Variants in MLPH observed in about 807,000 individuals in gnomAD.
The protein encoded by MLPH is melanophilin.
Under a neutral mutation model 72.1 loss-of-function variants are expected in MLPH, and 51 were observed. The ratio of observed to expected loss-of-function variants is 0.71; its 90% CI spans 0.56 to 0.89. The LOEUF (loss-of-function observed/expected upper bound fraction) is 0.89, where lower values mean the gene tolerates loss of function less well. Among genes scored for constraint, MLPH ranks in the 40% least tolerant of loss-of-function variants. The pLI, the probability that MLPH is intolerant of heterozygous loss-of-function variation, is 0.00. For missense variants in MLPH, 743 were observed against 759.9 expected (o/e 0.98, Z 0.26); for synonymous variants, 301 against 310.1 (o/e 0.97, Z 0.31).
rs2080109895 is a variant in MLPH at position 237,518,798 on chromosome 2, C to T, written c.555+150C>T. On this transcript the variant is annotated intron_variant, in intron 5 of 15. Transcript: ENST00000264605. The stretch of plus-strand genomic sequence containing the variant: ...AGCACCAAGAATCTGCTGCCCTTTC[C>T]CAGGCCTCAGTAGTCTCTGAGATCA... 7.1e-6 allele frequency: 5 copies of T among 707,610 alleles called. No individual in the cohort carries two copies. The Admixed American group carries it at 1.0e-4, about 14-fold the overall frequency. The allele number at this position is 707,610 out of a possible 1,614,324, so 43.8% of individuals were successfully genotyped here. A position where few individuals can be genotyped will look rare whatever the true frequency, so the allele number is the denominator to read the frequency against.
Position 237,512,919 on chromosome 2 carries a change from AG to A in MLPH, c.445+1822del, listed in dbSNP as rs77113196. Among the ~76,000 whole-genome samples, 4,297 of 152,134 alleles carry A rather than the reference AG, an allele frequency of 0.028. 84 individuals carry two copies. Among genetic ancestry groups the A allele is most frequent in the South Asian group, 0.076 (367 of 4,802 alleles). The stretch of plus-strand genomic sequence containing the variant: ...GCTGACTTCAAAATCATCACCACCA[AG>A]GGGCCAGGAGGTGGCGCTGTGGGGC... On this transcript the variant is annotated intron_variant, in intron 4 of 15. Coordinates refer to ENST00000264605, the MANE Select transcript of MLPH (RefSeq NM_024101.7). This position sits in a 1 kb window ranked among gnomAD's most constrained non-coding sequence, Gnocchi z 5.5.
chr2:237,492,462 T>TAAAA (rs397961915), intron 1 of MLPH, among the ~76,000 whole-genome samples: 1 of 132,246 alleles, frequency 7.6e-6, no homozygotes, highest in Non-Finnish European at 1.6e-5. Context: ...AACTCGTCTC[T>TAAAA]AAAAAAAAAA....
chr2:237,497,050 T>C (rs950029978), intron 2 of MLPH, among the ~76,000 whole-genome samples: 3 of 152,046 alleles, frequency 2.0e-5, no homozygotes, highest in Non-Finnish European at 2.9e-5. Flanking sequence ...GGGTTGGAGA[T>C]GGTTTCAGGA....
chr2:237,545,411 T>G, intron 12 of MLPH: 2 of 1,268,626 alleles, frequency 1.6e-6, no homozygotes, highest in Non-Finnish European at 2.1e-6. Flanking sequence ...TGTGCCTTTG[T>G]TGGGGTTCAT....
chr2:237,502,679 CAAATAT>C (rs2079677003), intron 2 of MLPH, among the ~76,000 whole-genome samples: 1 of 152,154 alleles, frequency 6.6e-6, no homozygotes, highest in African/African-American at 2.4e-5. Flanking sequence ...GCCTACAAAT[CAAATAT>C]TAGGACTGCC....
intron 2 of MLPH, among the ~76,000 whole-genome samples, chr2:237,494,604 C>T (rs567400778): frequency 6.6e-6 from 1 of 152,218 alleles, no homozygotes; most frequent in South Asian, 2.1e-4. Flanking sequence ...GATGGGGGGT[C>T]TCCAGGGTGA....
At chr2:237,539,826 A>G (rs1031360135) in intron 9 of MLPH, among the ~76,000 whole-genome samples, 1 of 152,224 alleles carries the variant, frequency 6.6e-6, no homozygotes, top group African/African-American at 2.4e-5. Flanking sequence ...GTGAACTCGC[A>G]GTCCAGTGGC....
At chr2:237,516,182 C>T (rs2080013384) in intron 4 of MLPH, among the ~76,000 whole-genome samples, 1 of 152,242 alleles carries the variant, frequency 6.6e-6, no homozygotes, top group African/African-American at 2.4e-5. Context: ...TCCACAGTGC[C>T]AGCTGTGCCC....
intron 2 of MLPH, among the ~76,000 whole-genome samples, chr2:237,506,490 G>A (rs548037253): frequency 2.6e-5 from 4 of 152,144 alleles, no homozygotes; most frequent in Non-Finnish European, 4.4e-5. Context: ...AGCAATTCCT[G>A]TCCCTTTTAA....
intron 1 of MLPH, among the ~76,000 whole-genome samples, chr2:237,490,121 G>C (rs1006962973): frequency 1.3e-5 from 2 of 152,190 alleles, no homozygotes; most frequent in Non-Finnish European, 1.5e-5. Flanking sequence ...GGAGCAGATA[G>C]AGCAGGGTGG....
At chr2:237,498,290 G>T (rs74001362) in intron 2 of MLPH, among the ~76,000 whole-genome samples, 2,782 of 152,322 alleles carry the variant, frequency 0.018, 80 homozygotes, top group African/African-American at 0.063. Context: ...ATTAGCAGAT[G>T]TGTGTCAGAT....
At chr2:237,521,161 T>C (rs1324400177) in intron 6 of MLPH, among the ~76,000 whole-genome samples, 1 of 152,190 alleles carries the variant, frequency 6.6e-6, no homozygotes, top group East Asian at 1.9e-4. Context: ...TTTTTGTTAA[T>C]AGTAACCAGA....
In MLPH at chr2:237,508,571, CA is replaced by C. The variant is rs2079824902; in HGVS notation, c.111-1998del. ...GGCAAATGATGTCTCAGCATTATTA[CA>C]AAAATAGCTTTGGCCTTGTGACTCA... On this transcript the variant is annotated intron_variant, in intron 2 of 15. Coordinates refer to ENST00000264605, the MANE Select transcript of MLPH (RefSeq NM_024101.7). Among the ~76,000 whole-genome samples the C allele has an allele frequency of 1.3e-5, 2 of 152,180 alleles. 1 individual carries two copies. The highest frequency in any genetic ancestry group is 4.8e-5 in the African/African-American group (2 of 41,450).
chr2:237,552,512 C>A (rs2081059883), intron 15 of MLPH, 75 bp downstream of exon 15: 12 of 1,254,772 alleles, frequency 9.6e-6, no homozygotes, highest in Admixed American at 5.5e-5. Flanking sequence ...AAAATTAAGT[C>A]TTCAGAGCAA....
chr2:237,501,679 AAAAAAAAAAATAC>A (rs1435510401), intron 2 of MLPH, among the ~76,000 whole-genome samples: 2 of 132,004 alleles, frequency 1.5e-5, no homozygotes, highest in Non-Finnish European at 1.5e-5. Context: ...AAAAAAAAAA[AAAAAAAAAAATAC>A]AAAAAAATTA....
intron 1 of MLPH, among the ~76,000 whole-genome samples, chr2:237,492,479 A>T (rs1241927596): frequency 5.3e-5 from 8 of 151,840 alleles, no homozygotes; most frequent in Admixed American, 2.0e-4. Context: ...AAAAAAAAAA[A>T]TTAAGTAAAA....
intron 9 of MLPH, among the ~76,000 whole-genome samples, chr2:237,538,525 T>C (rs13425580): frequency 0.44 from 66,534 of 152,142 alleles, 19,287 homozygotes; most frequent in African/African-American, 0.83. Context: ...TCGGCAGCAG[T>C]CCATGCTGGC....
chr2:237,532,054 G>A (rs2080431172), intron 8 of MLPH, among the ~76,000 whole-genome samples: 1 of 152,202 alleles, frequency 6.6e-6, no homozygotes. Context: ...TTTATATGGA[G>A]GAAATTAAGC....
intron 13 of MLPH, among the ~76,000 whole-genome samples, chr2:237,547,828 GC>G (rs1334146684): frequency 6.6e-6 from 1 of 151,786 alleles, no homozygotes; most frequent in Non-Finnish European, 1.5e-5. Context: ...AGAGGGCAGA[GC>G]CAGCCTGGGA....
Sources: gnomAD v4.1 joint callset for allele counts (sites outside exome capture counted in the v4.1 genomes callset) on GRCh38, gnomAD v4.1.1 for gene constraint, Gnocchi (gnomAD v3.1) non-coding constraint, MANE v1.5 for transcripts, NCBI Gene and HGNC (gene_info 2026-07-23, HGNC 2026-07-21) for gene names.